Variants in FBN1 observed in about 807,000 individuals in gnomAD.
FBN1 encodes the protein fibrillin 1.
In FBN1, 29 loss-of-function variants were observed where a neutral mutation model predicts 365.1. That is an observed-to-expected ratio of 0.08 (90% CI 0.06 to 0.11). FBN1 has a LOEUF of 0.11. Ranked by LOEUF, FBN1 falls within the 10% of genes least tolerant of loss-of-function variation. FBN1 has a pLI of 1.00. For missense variants in FBN1, 2,476 were observed against 3,703.2 expected (o/e 0.67, Z 8.60); for synonymous variants, 1,210 against 1,270.5 (o/e 0.95, Z 1.01).
intron 6 of FBN1, among the ~76,000 whole-genome samples, chr15:48,576,978 T>G (rs910544644): frequency 4.6e-5 from 7 of 152,198 alleles, no homozygotes; most frequent in Non-Finnish European, 1.0e-4. Context: ...ATTGCCCTCA[T>G]ATAAGGAATT....
intron 8 of FBN1, among the ~76,000 whole-genome samples, chr15:48,527,654 G>C (rs1266401980): frequency 6.6e-6 from 1 of 152,214 alleles, no homozygotes; most frequent in African/African-American, 2.4e-5. Flanking sequence ...TCTGACTCAA[G>C]TTCACCTTGT....
chr15:48,531,296 T>A (rs2141350191), intron 8 of FBN1, among the ~76,000 whole-genome samples: 1 of 152,182 alleles, frequency 6.6e-6, no homozygotes, highest in Non-Finnish European at 1.5e-5. Flanking sequence ...AAGAGGGACA[T>A]TTTAGGAAGG....
intron 8 of FBN1, chr15:48,529,313 G>A (rs2043946818): frequency 1.3e-5 from 2 of 152,322 alleles, no homozygotes; most frequent in African/African-American, 4.8e-5. Context: ...ACCTTAAGAA[G>A]AGTCACAAAT....
chr15:48,573,049 C>T (rs1172339985), intron 6 of FBN1, among the ~76,000 whole-genome samples: 2 of 152,096 alleles, frequency 1.3e-5, no homozygotes, highest in Admixed American at 6.5e-5. Context: ...GGGGATGAGC[C>T]AGCGAGGTGG....
intron 6 of FBN1, among the ~76,000 whole-genome samples, chr15:48,568,049 G>GAAGAAAGAAGAAAGAAAGAAAGA (rs2044273080): frequency 5.0e-5 from 2 of 40,132 alleles, no homozygotes; most frequent in Admixed American, 2.6e-4. Context: ...AAGAAAGAAA[G>GAAGAAAGAAGAAAGAAAGAAAGA]AAGAAAGAAA....
In FBN1 at chr15:48,452,602, A is replaced by G. The variant is rs781722796; in HGVS notation, c.5505T>C (p.Cys1835=). The part of the protein sequence containing the change: ...INTAGSYRCD[C]KPGYRFTSTG... ...TGGAGGTGAAGCGGTAGCCGGGCTT[A>G]CAGTCACAGCGGTAGCTGCCTGCAG... The change falls in exon 45 of 66, where the codon TGT becomes TGC. Residue 1835 remains cysteine (C), a synonymous_variant. Transcript: ENST00000316623. The G allele has an allele frequency of 1.2e-6, 2 of 1,614,074 alleles. No individual in the cohort carries two copies. Among genetic ancestry groups the G allele is most frequent in the African/African-American group, 2.7e-5 (2 of 74,948 alleles).
intron 2 of FBN1, among the ~76,000 whole-genome samples, chr15:48,636,710 T>A (rs539905386): frequency 1.3e-5 from 2 of 152,282 alleles, no homozygotes; most frequent in South Asian, 4.1e-4. Context: ...TAAACAGGGC[T>A]GCAGGCGCCA....
At chr15:48,528,553 G>A (rs1300330114) in intron 8 of FBN1, among the ~76,000 whole-genome samples, 1 of 152,138 alleles carries the variant, frequency 6.6e-6, no homozygotes, top group African/African-American at 2.4e-5. Flanking sequence ...TAAGAGCAAA[G>A]AGGCCCATCA....
intron 3 of FBN1, among the ~76,000 whole-genome samples, chr15:48,612,380 C>G (rs1165297263): frequency 6.6e-6 from 1 of 152,178 alleles, no homozygotes; most frequent in African/African-American, 2.4e-5. Flanking sequence ...TGTAAAAGCT[C>G]ATGAAGGGCA....
Position 48,644,808 on chromosome 15 carries a change from C to T in FBN1, c.-39G>A. The T allele has an allele frequency of 6.3e-7, 1 of 1,592,198 alleles. No individual in the cohort carries two copies. Among genetic ancestry groups the T allele is most frequent in the Non-Finnish European group, 8.5e-7 (1 of 1,173,768 alleles). On this transcript the variant is annotated 5_prime_UTR_variant, in exon 2 of 66. Coordinates refer to ENST00000316623, the MANE Select transcript of FBN1 (RefSeq NM_000138.5). ...CACCGGCTCCCGCCGCCTCTTGCCG[C>T]GCCCGGGGCTCGGTCTGCGGCCGCC...
chr15:48,435,350 G>C (rs1173476884), intron 53 of FBN1, among the ~76,000 whole-genome samples: 1 of 150,348 alleles, frequency 6.7e-6, no homozygotes, highest in Non-Finnish European at 1.5e-5. Flanking sequence ...CCTATCACTC[G>C]TCAAAAGTTT....
intron 54 of FBN1, 131 bp from the exon 55 acceptor site, chr15:48,433,119 G>T: frequency 3.2e-6 from 3 of 930,062 alleles, no homozygotes; most frequent in Admixed American, 2.0e-5. Context: ...GATGGATCAA[G>T]TGGTCTCCCA....
intron 2 of FBN1, among the ~76,000 whole-genome samples, chr15:48,630,746 A>AAG (rs1555406623): frequency 3.9e-4 from 57 of 145,324 alleles, no homozygotes; most frequent in East Asian, 1.8e-3. Flanking sequence ...AAAAAAAAAA[A>AAG]AAAAGAAAAG....
chr15:48,620,889 T>C (rs1321532432), intron 2 of FBN1, among the ~76,000 whole-genome samples: 3 of 152,086 alleles, frequency 2.0e-5, no homozygotes, highest in African/African-American at 4.8e-5. Flanking sequence ...GGGCAGGAAA[T>C]AGACAAGCTG....
chr15:48,529,951 C>A (rs1204057644), intron 8 of FBN1, among the ~76,000 whole-genome samples: 1 of 10,110 alleles, frequency 9.9e-5, no homozygotes. Context: ...GAATTCTTAT[C>A]CATGCTGCAT....
intron 49 of FBN1, among the ~76,000 whole-genome samples, chr15:48,442,473 T>C (rs2043123626): frequency 6.6e-6 from 1 of 152,340 alleles, no homozygotes; most frequent in Middle Eastern, 3.4e-3. Context: ...AAAATACCTT[T>C]CTTGTACAGG....
At chr15:48,635,395 A>G (rs1464071688) in intron 2 of FBN1, among the ~76,000 whole-genome samples, 2 of 152,234 alleles carry the variant, frequency 1.3e-5, no homozygotes, top group African/African-American at 4.8e-5. Context: ...AAACTTGACT[A>G]TATTCCTAAT....
At chr15:48,545,712 A>G (rs1307863599) in intron 6 of FBN1, among the ~76,000 whole-genome samples, 1 of 152,204 alleles carries the variant, frequency 6.6e-6, no homozygotes, top group Non-Finnish European at 1.5e-5. Context: ...TATCTTATGT[A>G]TACTTTAACA....
In FBN1 at chr15:48,596,273, A is replaced by G; in HGVS notation, c.538+10T>C. ...CATGTCTTTACGTAAATGATTTTAA[A>G]AACCATTACCTCTTTCACACTGGGG... On this transcript the variant is annotated intron_variant, in intron 6 of 65. Coordinates refer to ENST00000316623, the MANE Select transcript of FBN1 (RefSeq NM_000138.5). The G allele has an allele frequency of 6.2e-7, 1 of 1,613,202 alleles. No homozygotes were observed. Among genetic ancestry groups the G allele is most frequent in the Non-Finnish European group, 8.5e-7 (1 of 1,179,220 alleles).
Sources: allele counts gnomAD v4.1 joint callset (sites outside exome capture counted in the v4.1 genomes callset), GRCh38; gene constraint gnomAD v4.1.1; transcripts MANE v1.5; gene names NCBI Gene and HGNC (gene_info 2026-07-23, HGNC 2026-07-21).